The following COL21A1 variants were observed in gnomAD, a reference collection of about 807,000 sequenced individuals.
COL21A1 encodes collagen type XXI alpha 1 chain, also known as collagen alpha-1(XXI) chain.
Under a neutral mutation model 137.9 loss-of-function variants are expected in COL21A1, and 149 were observed. That is an observed-to-expected ratio of 1.08 (90% CI 0.95 to 1.24). COL21A1 has a LOEUF of 1.24. Among genes scored for constraint, COL21A1 ranks in the 50% most tolerant of loss-of-function variants. The pLI is 0.00. For missense variants in COL21A1, 1,167 were observed against 1,158.4 expected, an observed-to-expected ratio of 1.01 and a Z score of -0.11; for synonymous variants, 456 against 391.5, an observed-to-expected ratio of 1.16 and a Z score of -1.95.
intron 10 of COL21A1, among the ~76,000 whole-genome samples, chr6:56,147,574 A>G (rs1006060915): frequency 3.3e-5 from 5 of 152,078 alleles, no homozygotes; most frequent in Non-Finnish European, 7.4e-5. Flanking sequence ...GCACAAACTT[A>G]TCTTTAAAAT....
At chr6:56,091,390 A>G (rs181566927) in intron 17 of COL21A1, 2 of 152,756 alleles carry the variant, frequency 1.3e-5, no homozygotes, top group Admixed American at 6.5e-5. Flanking sequence ...CAGTGTTTCA[A>G]CTACACTACA....
intron 1 of COL21A1, among the ~76,000 whole-genome samples, chr6:56,235,522 A>G (rs1367728081): frequency 1.3e-5 from 2 of 151,952 alleles, no homozygotes; most frequent in African/African-American, 4.8e-5. Context: ...TATAAAACTA[A>G]CCTGTACTTC....
intron 1 of COL21A1, among the ~76,000 whole-genome samples, chr6:56,346,517 T>C (rs1765601190): frequency 6.6e-6 from 1 of 152,236 alleles, no homozygotes; most frequent in African/African-American, 2.4e-5. Flanking sequence ...TTGTCAATAT[T>C]TAAACTCATC....
chr6:56,245,485 T>C (rs1430023901), intron 1 of COL21A1, among the ~76,000 whole-genome samples: 1 of 152,240 alleles, frequency 6.6e-6, no homozygotes, highest in African/African-American at 2.4e-5. Flanking sequence ...TGTATCAACA[T>C]AGATCTTCTT....
rs372792170 is a variant in COL21A1 at position 56,112,129 on chromosome 6, T to C, written c.1759-10604A>G. Among the ~76,000 whole-genome samples, 192 of 152,226 alleles carry C rather than the reference T, an allele frequency of 1.3e-3. 4 individuals carry two copies. The highest frequency in any genetic ancestry group is 4.3e-3 in the African/African-American group (180 of 41,542). On this transcript the variant is annotated intron_variant, in intron 16 of 29. Transcript: ENST00000244728. ...AATGGAATTGAGAATCTAAAAATAG[T>C]TTCCCACATATTGATCAATTCATAT...
chr6:56,391,146 C>T (rs578048420), intron 1 of COL21A1, among the ~76,000 whole-genome samples: 16 of 152,154 alleles, frequency 1.1e-4, no homozygotes, highest in African/African-American at 3.9e-4. Context: ...TAGAATAAAA[C>T]TAGAAATCAG....
At chr6:56,091,389 A>G (rs1582307290) in intron 17 of COL21A1, 2 of 152,640 alleles carry the variant, frequency 1.3e-5, no homozygotes, top group Non-Finnish European at 2.9e-5. Flanking sequence ...CCAGTGTTTC[A>G]ACTACACTAC....
intron 16 of COL21A1, among the ~76,000 whole-genome samples, chr6:56,122,204 G>T (rs1582413841): frequency 9.1e-6 from 1 of 109,958 alleles, no homozygotes; most frequent in South Asian, 2.8e-4. Context: ...ACACAAATCT[G>T]CACAAATCTG....
intron 24 of COL21A1, among the ~76,000 whole-genome samples, chr6:56,063,580 T>C (rs1765993405): frequency 6.6e-6 from 1 of 152,016 alleles, no homozygotes; most frequent in South Asian, 2.1e-4. Flanking sequence ...CTCCTCTTGG[T>C]TACTTTTACT....
rs1774420948 is a variant in COL21A1, at chr6:56,141,691, C to A, written c.1542+94G>T. The A allele has an allele frequency of 1.1e-5, 15 of 1,348,846 alleles. No individual in the cohort carries two copies. The Admixed American group carries it at 1.8e-4, about 16-fold the overall frequency. 83.6% of individuals were successfully genotyped at this position (1,348,846 alleles called of 1,614,324 possible). The stretch of plus-strand genomic sequence containing the variant: ...CTGAGCCCACAAATCTTAGAATTCA[C>A]CAAGACGCAGACTATTGAATGGAAA... On this transcript the variant is annotated intron_variant, in intron 12 of 29. Coordinates refer to ENST00000244728, the MANE Select transcript of COL21A1 (RefSeq NM_030820.4).
chr6:56,360,387 G>A (rs79328757), intron 1 of COL21A1, among the ~76,000 whole-genome samples: 25,026 of 152,096 alleles, frequency 0.16, 2,198 homozygotes, highest in Non-Finnish European at 0.18. Flanking sequence ...CAAACCCGAT[G>A]AAAGACATGA....
intron 1 of COL21A1, among the ~76,000 whole-genome samples, chr6:56,233,209 C>G (rs1416077761): frequency 6.6e-6 from 1 of 151,924 alleles, no homozygotes; most frequent in African/African-American, 2.4e-5. Context: ...AAATAAGACA[C>G]TAATACATTG....
At chr6:56,230,881 A>T (rs1781517196) in intron 1 of COL21A1, among the ~76,000 whole-genome samples, 1 of 151,918 alleles carries the variant, frequency 6.6e-6, no homozygotes, top group Admixed American at 6.6e-5. Flanking sequence ...TCTATCACCC[A>T]TGTGAAAGGT....
At chr6:56,248,140 G>A (rs1260352661), upstream of COL21A1, among the ~76,000 whole-genome samples, 2 of 152,214 alleles carry the variant, frequency 1.3e-5, no homozygotes, top group Non-Finnish European at 1.5e-5. Flanking sequence ...GATGCTGTCT[G>A]CTCTGCCCCT....
chr6:56,336,084 T>C (rs2152344330), intron 1 of COL21A1, among the ~76,000 whole-genome samples: 1 of 152,338 alleles, frequency 6.6e-6, no homozygotes, highest in African/African-American at 2.4e-5. Context: ...GAGAAGCACT[T>C]TAGTCACATA....
At chr6:56,190,629 C>A (rs9475600) in intron 1 of COL21A1, among the ~76,000 whole-genome samples, 1,992 of 152,160 alleles carry the variant, frequency 0.013, 45 homozygotes, top group African/African-American at 0.045. Context: ...CTGGCAGAGA[C>A]ACAACAAAAA....
At chr6:56,333,613 T>C (rs1371700849) in intron 1 of COL21A1, among the ~76,000 whole-genome samples, 1 of 152,150 alleles carries the variant, frequency 6.6e-6, no homozygotes, top group African/African-American at 2.4e-5. Context: ...AGTCTTTGTA[T>C]GGATGTATGC....
At chr6:56,243,215 C>CAATAAAT (rs1318726809) in intron 1 of COL21A1, among the ~76,000 whole-genome samples, 2 of 152,112 alleles carry the variant, frequency 1.3e-5, no homozygotes, top group Non-Finnish European at 2.9e-5. Context: ...ACTCTTTTCA[C>CAATAAAT]AATAAATTTC....
At chr6:56,129,367 T>C (rs1229638830) in intron 12 of COL21A1, among the ~76,000 whole-genome samples, 1 of 152,040 alleles carries the variant, frequency 6.6e-6, no homozygotes, top group Non-Finnish European at 1.5e-5. Flanking sequence ...GATATAACCT[T>C]GACTTTATAA....
Sources: allele counts gnomAD v4.1 joint callset (sites outside exome capture counted in the v4.1 genomes callset), GRCh38; gene constraint gnomAD v4.1.1; transcripts MANE v1.5; gene names NCBI Gene and HGNC (gene_info 2026-07-23, HGNC 2026-07-21).